Variants in MIDEAS observed in about 807,000 individuals in gnomAD.
The protein encoded by MIDEAS is mitotic deacetylase-associated SANT domain protein.
MIDEAS carries 26 observed loss-of-function variants against 102.7 expected under a neutral mutation model. That is an observed-to-expected ratio of 0.25 (90% CI 0.19 to 0.35). The LOEUF is 0.35. Ranked by LOEUF, MIDEAS falls within the 10% of genes least tolerant of loss-of-function variation. The pLI is 1.00. For missense variants in MIDEAS, 1,231 were observed against 1,435.6 expected (o/e 0.86, Z 2.30); for synonymous variants, 585 against 591.0 (o/e 0.99, Z 0.15).
intron 1 of MIDEAS, among the ~76,000 whole-genome samples, chr14:73,752,198 C>G (rs575789001): frequency 2.6e-5 from 4 of 152,296 alleles, no homozygotes; most frequent in Non-Finnish European, 5.9e-5. Context: ...GATCATTTGT[C>G]CAAACCTCAA....
In MIDEAS at chr14:73,719,428, TTC is replaced by T; in HGVS notation, c.3009_3010del (p.Lys1004AlafsTer26). The T allele has an allele frequency of 2.5e-6, 4 of 1,614,150 alleles. No homozygotes were observed. Among genetic ancestry groups the T allele is most frequent in the Non-Finnish European group, 3.4e-6 (4 of 1,180,026 alleles). ...TGACTTCCCTGTCCCTTCCCTTGGC[TTC>T]TCCGAGGCCTGGCCACCGGCAGACC... On this transcript the variant is annotated frameshift_variant, in exon 12 of 13. Transcript: ENST00000423556. LOFTEE classifies it high-confidence loss of function.
intron 1 of MIDEAS, among the ~76,000 whole-genome samples, chr14:73,785,254 T>C (rs540764921): frequency 1.3e-5 from 2 of 152,238 alleles, no homozygotes; most frequent in Non-Finnish European, 2.9e-5. Flanking sequence ...AATCTCTCTA[T>C]ACAATTATAC....
intron 4 of MIDEAS, chr14:73,728,038 T>C (rs1191953513): frequency 6.6e-6 from 1 of 152,384 alleles, no homozygotes; most frequent in African/African-American, 2.4e-5. Flanking sequence ...TTTGTTTTTG[T>C]TGTTGTTGTT....
chr14:73,771,863 CAGG>C (rs1411384745), intron 1 of MIDEAS, among the ~76,000 whole-genome samples: 1 of 152,266 alleles, frequency 6.6e-6, no homozygotes, highest in Admixed American at 6.5e-5. Context: ...GAAAAGGCTG[CAGG>C]AGGTCAATTA....
rs907573294 is a variant in MIDEAS at position 73,760,225 on chromosome 14, G to A, written c.-710C>T. The A allele has an allele frequency of 6.6e-6, 1 of 152,320 alleles. No individual in the cohort carries two copies. The highest frequency in any genetic ancestry group is 1.5e-5 in the Non-Finnish European group (1 of 68,160). The allele number at this position is 152,320 out of a possible 1,614,324, so 9.4% of individuals were successfully genotyped here. ...AAAGGATTGCACAACTCGAGGCTGG[G>A]AGCGCGGAGCGCCCAGCGGCCGGCC... On this transcript the variant is annotated 5_prime_UTR_variant, in exon 1 of 13. Transcript: ENST00000423556. This position sits in a 1 kb window ranked among gnomAD's most constrained non-coding sequence, Gnocchi z 4.8.
intron 1 of MIDEAS, among the ~76,000 whole-genome samples, chr14:73,755,683 A>T (rs549621723): frequency 6.6e-6 from 1 of 152,328 alleles, no homozygotes; most frequent in South Asian, 2.1e-4. Context: ...TCAAAGGCAC[A>T]CAGACACTGG....
At chr14:73,736,734 A>G (rs1361428240) in intron 3 of MIDEAS, among the ~76,000 whole-genome samples, 1 of 152,090 alleles carries the variant, frequency 6.6e-6, no homozygotes, top group Non-Finnish European at 1.5e-5. Flanking sequence ...GCTGATCTGG[A>G]AAAAGAGATG....
chr14:73,741,522 C>T (rs113380536), intron 1 of MIDEAS, among the ~76,000 whole-genome samples: 13 of 152,212 alleles, frequency 8.5e-5, no homozygotes, highest in Admixed American at 2.0e-4. Context: ...CAACCCCAGC[C>T]GCTCCCAGGA....
chr14:73,775,229 G>C (rs2053679361), intron 1 of MIDEAS, among the ~76,000 whole-genome samples: 1 of 151,964 alleles, frequency 6.6e-6, no homozygotes, highest in Non-Finnish European at 1.5e-5. Flanking sequence ...AAAAAGGCCA[G>C]AAAGGTGGGC....
Position 73,721,471 on chromosome 14 carries a change from T to C in MIDEAS, c.2763A>G (p.Arg921=). The C allele has an allele frequency of 6.2e-7, 1 of 1,614,098 alleles. No individual in the cohort carries two copies. The highest frequency in any genetic ancestry group is 8.5e-7 in the Non-Finnish European group (1 of 1,180,018). Residue 921 remains arginine (R), a synonymous_variant, in exon 11 of 13, where the codon AGA becomes AGG. Transcript: ENST00000423556. ...QKFPRVPLPR[R]ESPSEERLEP... is the part of the protein sequence containing the mutation. ...CCAGCCTCTCTTCACTTGGGGACTC[T>C]CTTCTGGGAAGAGGCACCCTTGGGA...
chr14:73,751,615 C>G (rs934983748), intron 1 of MIDEAS, among the ~76,000 whole-genome samples: 1 of 152,170 alleles, frequency 6.6e-6, no homozygotes, highest in African/African-American at 2.4e-5. Context: ...AAAATAAAGC[C>G]AGGCCGGATG....
At position 73,716,512 on chromosome 14, in the gene MIDEAS, TA is replaced by T. The variant is rs35626305; in HGVS notation, c.*2330del. On this transcript the variant is annotated 3_prime_UTR_variant, in exon 13 of 13. Coordinates refer to ENST00000423556, the MANE Select transcript of MIDEAS (RefSeq NM_001367710.1). ...CGACATGGCGAAACCCTGTCTCTAC[TA>T]AAAAAAAAAATACAAAAAGATTAGC... 18,500 of 145,350 alleles carry T rather than the reference TA, an allele frequency of 0.13. 1,345 individuals are homozygous for T. The highest frequency in any genetic ancestry group is 0.25 in the South Asian group (1,148 of 4,612). The allele number at this position is 145,350 out of a possible 1,614,324, so 9.0% of individuals were successfully genotyped here. A position where few individuals can be genotyped will look rare whatever the true frequency, so the allele number is the denominator to read the frequency against.
intron 1 of MIDEAS, among the ~76,000 whole-genome samples, chr14:73,745,597 T>C (rs916178698): frequency 1.8e-4 from 27 of 152,160 alleles, no homozygotes; most frequent in Admixed American, 1.5e-3. Flanking sequence ...TCTCCAGCTA[T>C]AGCCAGACTC....
chr14:73,718,756 CCTCTT>C lies in MIDEAS; in HGVS notation c.*82_*86del. On this transcript the variant is annotated 3_prime_UTR_variant, in exon 13 of 13. Coordinates refer to ENST00000423556, the MANE Select transcript of MIDEAS (RefSeq NM_001367710.1). Reference sequence around the variant, plus strand: ...AGTCCCTGCAATCCTCTCCTCACTCCCTCTTGAGATGCCAGGGTGTCTGCGGGCGC... The same window carrying C: ...AGTCCCTGCAATCCTCTCCTCACTCCGAGATGCCAGGGTGTCTGCGGGCGC... The C allele has an allele frequency of 3.9e-6, 5 of 1,275,454 alleles. No homozygotes were observed. Among genetic ancestry groups the C allele is most frequent in the Non-Finnish European group, 5.0e-6 (5 of 993,862 alleles). 79.0% of individuals were successfully genotyped at this position (1,275,454 alleles called of 1,614,324 possible). A position where few individuals can be genotyped will look rare whatever the true frequency, so the allele number is the denominator to read the frequency against.
intron 3 of MIDEAS, chr14:73,730,237 T>C: frequency 1.5e-6 from 1 of 660,542 alleles, no homozygotes; most frequent in Non-Finnish European, 2.8e-6. Context: ...TGATCTCTGT[T>C]ACATATTCCT....
intron 1 of MIDEAS, among the ~76,000 whole-genome samples, chr14:73,777,390 T>C (rs1272382913): frequency 1.3e-5 from 2 of 152,014 alleles, no homozygotes; most frequent in African/African-American, 4.8e-5. Flanking sequence ...AATACATTTC[T>C]TTTCTCCTCA....
At chr14:73,736,844 C>T (rs1212087347) in intron 3 of MIDEAS, among the ~76,000 whole-genome samples, 154 bp downstream of exon 3, 1 of 152,096 alleles carries the variant, frequency 6.6e-6, no homozygotes, top group Non-Finnish European at 1.5e-5. Context: ...CCCTTCTGGA[C>T]GTCTGTCCAG....
chr14:73,718,867 C>A lies in MIDEAS; in HGVS notation c.3276G>T (p.Glu1092Asp). Residue 1092 changes from glutamate to aspartate, a missense_variant, in exon 13 of 13, where the codon GAG becomes GAT. By Grantham distance (45) the Glu-to-Asp change is conservative. Transcript: ENST00000423556. ...CTCAGCCCTTGTCGCCCGCACCGCT[C>A]TCCTCCCGCAGGGCCTGCTGGTGGG... The part of the protein sequence containing the change: ...AAAHQQALRE[E>D]SGAGDKG 2.7e-6 allele frequency: 4 copies of A among 1,507,008 alleles called. No individual in the cohort carries two copies. The highest frequency in any genetic ancestry group is 3.5e-6 in the Non-Finnish European group (4 of 1,134,644). The allele number at this position is 1,507,008 out of a possible 1,614,324, so 93.4% of individuals were successfully genotyped here.
upstream of MIDEAS, among the ~76,000 whole-genome samples, chr14:73,761,745 G>A (rs2053556920): frequency 6.6e-6 from 1 of 152,176 alleles, no homozygotes; most frequent in African/African-American, 2.4e-5. Flanking sequence ...AGCTCTCAGA[G>A]CACTTCTCCA....
Sources: gnomAD v4.1 joint callset for allele counts (sites outside exome capture counted in the v4.1 genomes callset) on GRCh38, gnomAD v4.1.1 for gene constraint, Gnocchi (gnomAD v3.1) non-coding constraint, MANE v1.5 for transcripts, NCBI Gene and HGNC (gene_info 2026-07-23, HGNC 2026-07-21) for gene names.